The following ZNRF2 variants were observed in gnomAD, a reference collection of about 807,000 sequenced individuals.
ZNRF2 encodes the protein zinc and ring finger 2.
A neutral mutation model predicts 20.4 loss-of-function variants in ZNRF2; 16 were observed. The ratio of observed to expected loss-of-function variants is 0.79; its 90% CI spans 0.53 to 1.19. The LOEUF (loss-of-function observed/expected upper bound fraction) is 1.19, where lower values mean the gene tolerates loss of function less well. Ranked by LOEUF, ZNRF2 falls within the 50% of genes most tolerant of loss-of-function variation. The pLI is 0.00. For missense variants in ZNRF2, 363 were observed against 332.4 expected (o/e 1.09, Z -0.72); for synonymous variants, 178 against 144.9 (o/e 1.23, Z -1.64).
At chr7:30,343,938 T>C (rs1176397449) in intron 2 of ZNRF2, among the ~76,000 whole-genome samples, 1 of 133,348 alleles carries the variant, frequency 7.5e-6, no homozygotes, top group Non-Finnish European at 1.6e-5. Context: ...TTTTTTTTAA[T>C]AGACCGAGTC....
At chr7:30,299,823 A>T (rs1277944033) in intron 1 of ZNRF2, among the ~76,000 whole-genome samples, 1 of 128,950 alleles carries the variant, frequency 7.8e-6, no homozygotes, top group Non-Finnish European at 1.6e-5. Flanking sequence ...CCTGTTGCCC[A>T]GGCTGGAGTG....
Position 30,285,279 on chromosome 7 carries a change from C to G in ZNRF2, c.-79C>G, listed in dbSNP as rs1407826390. The G allele has an allele frequency of 2.0e-6, 2 of 991,250 alleles. No individual in the cohort carries two copies. The highest frequency in any genetic ancestry group is 2.4e-6 in the Non-Finnish European group (2 of 821,944). 61.4% of individuals were successfully genotyped at this position (991,250 alleles called of 1,614,324 possible). ...GGCCGGCCGCGGCGCCTGGGCCCTG[C>G]CCTCTAGCTCCCGCGCTCGCTCCCG... On this transcript the variant is annotated 5_prime_UTR_variant, in exon 1 of 5. Coordinates refer to ENST00000323037, the MANE Select transcript of ZNRF2 (RefSeq NM_147128.4).
chr7:30,336,036 T>C (rs542524112), intron 2 of ZNRF2, among the ~76,000 whole-genome samples: 4 of 152,322 alleles, frequency 2.6e-5, no homozygotes, highest in African/African-American at 9.6e-5. Flanking sequence ...GTAAACCATA[T>C]GCCAGAGGTG....
At chr7:30,293,649 G>C (rs1456676869) in intron 1 of ZNRF2, among the ~76,000 whole-genome samples, 1 of 152,200 alleles carries the variant, frequency 6.6e-6, no homozygotes, top group African/African-American at 2.4e-5. Flanking sequence ...GATGGAAACA[G>C]CTTCTAGCAA....
At chr7:30,294,511 T>C (rs1382377952) in intron 1 of ZNRF2, among the ~76,000 whole-genome samples, 1 of 152,144 alleles carries the variant, frequency 6.6e-6, no homozygotes, top group African/African-American at 2.4e-5. Flanking sequence ...GGCTGGGCAC[T>C]GTGGCTCATG....
chr7:30,301,168 A>T (rs1253511817), intron 1 of ZNRF2, among the ~76,000 whole-genome samples: 2 of 152,206 alleles, frequency 1.3e-5, no homozygotes, highest in Non-Finnish European at 2.9e-5. Flanking sequence ...TTTAGTATCC[A>T]TGGGAAGAGA....
chr7:30,299,765 TC>T (rs1412417898), intron 1 of ZNRF2, among the ~76,000 whole-genome samples: 8 of 151,792 alleles, frequency 5.3e-5, no homozygotes, highest in Non-Finnish European at 1.2e-4. Flanking sequence ...ACTGTGTTCT[TC>T]TAAAACCTGC....
At chr7:30,316,607 CCTG>C (rs1476884736) in intron 1 of ZNRF2, among the ~76,000 whole-genome samples, 2 of 152,106 alleles carry the variant, frequency 1.3e-5, no homozygotes, top group Non-Finnish European at 2.9e-5. Context: ...CATTTGCTGT[CCTG>C]CTATTTTAAT....
chr7:30,323,861 TA>T (rs1368803527), intron 2 of ZNRF2, 124 bp downstream of exon 2: 1 of 580,742 alleles, frequency 1.7e-6, no homozygotes, highest in East Asian at 3.4e-5. Context: ...ACTAGTGCAT[TA>T]ATGCAGTGGT....
intron 1 of ZNRF2, among the ~76,000 whole-genome samples, chr7:30,320,898 A>G (rs1430623421): frequency 6.6e-6 from 1 of 152,182 alleles, no homozygotes; most frequent in African/African-American, 2.4e-5. Flanking sequence ...GCCTTAAAAA[A>G]CTGATTGGAA....
At chr7:30,307,238 A>G (rs1246124076) in intron 1 of ZNRF2, among the ~76,000 whole-genome samples, 2 of 150,822 alleles carry the variant, frequency 1.3e-5, no homozygotes, top group African/African-American at 4.9e-5. Context: ...TGCTGTGTCA[A>G]ATGGCATCCA....
intron 1 of ZNRF2, among the ~76,000 whole-genome samples, chr7:30,292,049 A>G (rs1284156134): frequency 6.6e-6 from 1 of 152,216 alleles, no homozygotes; most frequent in Non-Finnish European, 1.5e-5. Flanking sequence ...ACCAGAAATA[A>G]CTGTTAATGT....
chr7:30,328,550 G>A (rs1490494986), intron 2 of ZNRF2, among the ~76,000 whole-genome samples: 1 of 152,114 alleles, frequency 6.6e-6, no homozygotes, highest in Non-Finnish European at 1.5e-5. Context: ...CTTCAGACTG[G>A]ATATATTTAT....
chr7:30,286,568 T>A (rs900833066), intron 1 of ZNRF2, among the ~76,000 whole-genome samples: 4 of 152,198 alleles, frequency 2.6e-5, no homozygotes, highest in African/African-American at 9.7e-5. Flanking sequence ...TAAGGAAAAG[T>A]CAGTTGTGAA....
intron 1 of ZNRF2, among the ~76,000 whole-genome samples, chr7:30,300,073 C>T (rs1335712976): frequency 6.6e-6 from 1 of 151,564 alleles, no homozygotes; most frequent in East Asian, 1.9e-4. Context: ...CGTGAGCCAT[C>T]CCGGCCGTAA....
intron 1 of ZNRF2, among the ~76,000 whole-genome samples, chr7:30,293,247 CA>C (rs1487586138): frequency 6.8e-5 from 10 of 147,038 alleles, no homozygotes; most frequent in South Asian, 6.4e-4. Context: ...CAAATTTTTA[CA>C]TTTTTTTTTT....
At chr7:30,323,851 A>G in intron 2 of ZNRF2, 114 bp downstream of exon 2, 1 of 678,588 alleles carries the variant, frequency 1.5e-6, no homozygotes. Flanking sequence ...CTCTATTTTT[A>G]CTAGTGCATT....
chr7:30,310,657 C>T (rs1799278049), intron 1 of ZNRF2, among the ~76,000 whole-genome samples: 1 of 152,158 alleles, frequency 6.6e-6, no homozygotes, highest in Non-Finnish European at 1.5e-5. Flanking sequence ...GACTCAAGGG[C>T]TGTACAAAAA....
At chr7:30,313,695 C>T (rs1404454042) in intron 1 of ZNRF2, among the ~76,000 whole-genome samples, 1 of 152,000 alleles carries the variant, frequency 6.6e-6, no homozygotes, top group Admixed American at 6.6e-5. Context: ...ACCGTTGGCA[C>T]TGAGGCATCC....
Sources: allele counts gnomAD v4.1 joint callset (sites outside exome capture counted in the v4.1 genomes callset), GRCh38; gene constraint gnomAD v4.1.1; transcripts MANE v1.5; gene names NCBI Gene and HGNC (gene_info 2026-07-23, HGNC 2026-07-21).